Variants in RASL10A observed in about 807,000 individuals in gnomAD.
RASL10A encodes ras-like protein family member 10A.
RASL10A carries 13 observed loss-of-function variants against 17.3 expected under a neutral mutation model. The observed-to-expected ratio is 0.75, with a 90% CI of 0.49 to 1.20. The LOEUF (loss-of-function observed/expected upper bound fraction) is 1.20. Among genes scored for constraint, RASL10A ranks in the 50% most tolerant of loss-of-function variants. RASL10A has a pLI of 0.00. For synonymous variants in RASL10A, 159 were observed against 142.2 expected, an observed-to-expected ratio of 1.12 and a Z score of -0.84; for missense variants, 307 against 310.3, an observed-to-expected ratio of 0.99 and a Z score of 0.08.
At chr22:29,316,962 T>G (rs2061457262), upstream of RASL10A, 1 of 152,212 alleles carries the variant, frequency 6.6e-6, no homozygotes, top group Non-Finnish European at 1.5e-5. Context: ...AGCTAAATCC[T>G]GAAGGGGGAG....
At chr22:29,314,061 G>C in intron 1 of RASL10A, 74 bp from the exon 2 acceptor site, 3 of 1,582,056 alleles carry the variant, frequency 1.9e-6, no homozygotes, top group Non-Finnish European at 2.6e-6. Context: ...GCAGGGGCCT[G>C]GACGCTAATC....
intron 1 of RASL10A, among the ~76,000 whole-genome samples, chr22:29,314,688 C>G (rs1389826102): frequency 6.6e-6 from 1 of 152,142 alleles, no homozygotes; most frequent in African/African-American, 2.4e-5. Flanking sequence ...CATTGTAGCT[C>G]TGCTCAAGGC....
rs746285010 is a variant in RASL10A, at chr22:29,313,532, T to C, written c.381A>G (p.Val127=). The part of the protein sequence containing the change: ...AGAPEAPILV[V]GNKRDRQRLR... Reference sequence around the variant, plus strand: ...GCCGCTGCCTGTCCCGCTTGTTGCCTACCACGAGGATGGGCGCTTCGGGCG... The same window carrying C: ...GCCGCTGCCTGTCCCGCTTGTTGCCCACCACGAGGATGGGCGCTTCGGGCG... Residue 127 remains valine (V), a synonymous_variant, in exon 3 of 3, where the codon GTA becomes GTG. Transcript: ENST00000216101. 18 of 1,566,096 alleles carry C rather than the reference T, an allele frequency of 1.1e-5. No individual in the cohort carries two copies. The highest frequency in any genetic ancestry group is 2.3e-5 in the South Asian group (2 of 87,282).
rs1192387811 is a variant in RASL10A at position 29,313,070 on chromosome 22, T to G, written c.*231A>C. The G allele has an allele frequency of 2.7e-5, 13 of 476,718 alleles. No individual in the cohort carries two copies. Among genetic ancestry groups the G allele is most frequent in the Non-Finnish European group, 3.9e-5 (11 of 280,236 alleles). 29.5% of individuals were successfully genotyped at this position (476,718 alleles called of 1,614,324 possible). ...TCCATCCAATGGGATTGTGACCCAT[T>G]GAGGTCCCAGAAAGGACTGGTCATC... is the stretch of plus-strand genomic sequence containing the variant. On this transcript the variant is annotated 3_prime_UTR_variant, in exon 3 of 3. Coordinates refer to ENST00000216101, the MANE Select transcript of RASL10A (RefSeq NM_006477.5).
chr22:29,313,786 C>T, intron 2 of RASL10A, 77 bp downstream of exon 2: 3 of 1,583,228 alleles, frequency 1.9e-6, no homozygotes, highest in Non-Finnish European at 2.6e-6. Context: ...CGTTGGGAGA[C>T]CCTACACACT....
rs1212758237 is a variant in RASL10A, at chr22:29,313,249, C to G, written c.*52G>C. The G allele has an allele frequency of 1.4e-6, 2 of 1,444,998 alleles. No homozygotes were observed. Among genetic ancestry groups the G allele is most frequent in the Non-Finnish European group, 1.8e-6 (2 of 1,095,672 alleles). The allele number at this position is 1,444,998 out of a possible 1,614,324, so 89.5% of individuals were successfully genotyped here. A position where few individuals can be genotyped will look rare whatever the true frequency, so the allele number is the denominator to read the frequency against. On this transcript the variant is annotated 3_prime_UTR_variant, in exon 3 of 3. Transcript: ENST00000216101. ...GGGCGATCCCGTCCAATCCAGGTCC[C>G]TGATTGTCCCAGTCACAAGGTGGGG...
chr22:29,316,421 CTAAA>C (rs889768867), upstream of RASL10A, among the ~76,000 whole-genome samples: 18 of 152,306 alleles, frequency 1.2e-4, no homozygotes, highest in African/African-American at 3.6e-4. Context: ...CTGGAGGTGA[CTAAA>C]TAAAGATCCA....
intron 2 of RASL10A, 96 bp downstream of exon 2, chr22:29,313,767 G>C: frequency 1.3e-6 from 2 of 1,546,240 alleles, no homozygotes; most frequent in Admixed American, 3.6e-5. Context: ...CCTAAGACCC[G>C]GCCCACGACG....
upstream of RASL10A, chr22:29,317,240 T>A (rs2061458567): frequency 6.6e-6 from 1 of 152,288 alleles, no homozygotes; most frequent in Non-Finnish European, 1.5e-5. Flanking sequence ...TTCAGACTTC[T>A]GGGTTTTGTT....
At chr22:29,314,076 G>T in intron 1 of RASL10A, 89 bp from the exon 2 acceptor site, 1 of 1,548,110 alleles carries the variant, frequency 6.5e-7, no homozygotes, top group Non-Finnish European at 8.7e-7. Context: ...CTAATCCTCA[G>T]GCCAACATCA....
At chr22:29,317,516 G>T (rs1273214729), upstream of RASL10A, among the ~76,000 whole-genome samples, 2 of 152,292 alleles carry the variant, frequency 1.3e-5, no homozygotes, top group South Asian at 2.1e-4. Context: ...GAGGATTACA[G>T]GCGTGAGCCA....
upstream of RASL10A, among the ~76,000 whole-genome samples, chr22:29,318,066 C>A (rs1332277995): frequency 6.6e-6 from 1 of 152,304 alleles, no homozygotes; most frequent in East Asian, 1.9e-4. Flanking sequence ...AAAAACTTTC[C>A]TTGCTTCTCC....
At chr22:29,318,986 G>C (rs767383981), upstream of RASL10A, among the ~76,000 whole-genome samples, 1 of 152,160 alleles carries the variant, frequency 6.6e-6, no homozygotes, top group Non-Finnish European at 1.5e-5. Context: ...CCAGTCCAGC[G>C]GGAGTTGAGG....
Position 29,313,583 on chromosome 22 carries a change from G to T in RASL10A, c.345-15C>A. On this transcript the variant is annotated splice_polypyrimidine_tract_variant and intron_variant, in intron 2 of 2. Coordinates refer to ENST00000216101, the MANE Select transcript of RASL10A (RefSeq NM_006477.5). ...CGCCCGCCGGCCTGGGGGCCGAATG[G>T]AGATGAGAGACGCGGGGACCCCACG... is the stretch of plus-strand genomic sequence containing the variant. 6.6e-7 allele frequency: 1 copy of T among 1,521,882 alleles called. No individual in the cohort carries two copies. The highest frequency in any genetic ancestry group is 8.7e-7 in the Non-Finnish European group (1 of 1,145,930). The allele number at this position is 1,521,882 out of a possible 1,614,324, so 94.3% of individuals were successfully genotyped here.
chr22:29,316,139 C>T (rs1280223067), upstream of RASL10A, among the ~76,000 whole-genome samples: 1 of 152,230 alleles, frequency 6.6e-6, no homozygotes, highest in Non-Finnish European at 1.5e-5. Flanking sequence ...ATGTGCCAGG[C>T]CCATTACCTA....
At chr22:29,318,986 G>A (rs767383981), upstream of RASL10A, among the ~76,000 whole-genome samples, 32 of 152,278 alleles carry the variant, frequency 2.1e-4, no homozygotes, top group South Asian at 8.3e-4. Flanking sequence ...CCAGTCCAGC[G>A]GGAGTTGAGG....
At chr22:29,313,797 C>T in intron 2 of RASL10A, 66 bp downstream of exon 2, 1 of 1,595,816 alleles carries the variant, frequency 6.3e-7, no homozygotes, top group Non-Finnish European at 8.5e-7. Flanking sequence ...CCTACACACT[C>T]TCCTCAGGCA....
rs2147909965 is a variant in RASL10A at position 29,313,486 on chromosome 22, C to A, written c.427G>T (p.Ala143Ser). The A allele has an allele frequency of 6.4e-7, 1 of 1,556,316 alleles. No homozygotes were observed. The highest frequency in any genetic ancestry group is 8.6e-7 in the Non-Finnish European group (1 of 1,158,162). The change falls in exon 3 of 3, where the codon GCG becomes TCG. Residue 143 changes from alanine to serine, a missense_variant. Ala to Ser is a moderately conservative substitution (Grantham distance 99, BLOSUM62 1). Transcript: ENST00000216101. Reference protein sequence around the residue: ...RQRLRFGPRRALAALVRRGWR... With the variant: ...RQRLRFGPRRSLAALVRRGWR... ...CCCCTGCGCACTAGGGCGGCCAGCG[C>A]GCGCCGCGGTCCGAAGCGCAGCCGC... is the stretch of plus-strand genomic sequence containing the variant.
chr22:29,314,965 G>T, intron 1 of RASL10A, 63 bp downstream of exon 1: 1 of 1,322,696 alleles, frequency 7.6e-7, no homozygotes, highest in Non-Finnish European at 9.9e-7. Context: ...ACACGCACGT[G>T]TGCACCGAGC....
Sources: gnomAD v4.1 joint callset for allele counts (sites outside exome capture counted in the v4.1 genomes callset) on GRCh38, gnomAD v4.1.1 for gene constraint, MANE v1.5 for transcripts, NCBI Gene and HGNC (gene_info 2026-07-23, HGNC 2026-07-21) for gene names.